Variants in LINGO1 observed in about 807,000 individuals in gnomAD.
The protein encoded by LINGO1 is leucine-rich repeat and immunoglobulin-like domain-containing nogo receptor-interacting protein 1.
LINGO1 carries 11 observed loss-of-function variants against 37.3 expected under a neutral mutation model. The observed-to-expected ratio is 0.29, with a 90% CI of 0.19 to 0.49. LINGO1 has a LOEUF of 0.49. LINGO1 is among the 20% of genes least tolerant of loss of function. LINGO1 has a pLI of 0.99. For synonymous variants in LINGO1, 387 were observed against 403.0 expected (o/e 0.96, Z 0.48); for missense variants, 585 against 878.2 (o/e 0.67, Z 4.22).
In LINGO1 at chr15:77,614,913, G is replaced by A. The variant is rs758132909; in HGVS notation, c.994C>T (p.Arg332Cys). Residue 332 changes from arginine (R) to cysteine (C), a missense_variant, in exon 2 of 2, where the codon CGC becomes TGC. Around this residue, in one of 4 missense-constraint regions of LINGO1, gnomAD observed 484 missense variants for 735.0 expected, o/e 0.66. Transcript: ENST00000355300. ...QLAVVEPYAF[R>C]GLNYLRVLNV... The stretch of plus-strand genomic sequence containing the variant: ...AGCACGCGCAGGTAGTTGAGGCCGC[G>A]GAAGGCATAGGGCTCCACCACGGCC... 9 of 1,613,720 alleles carry A rather than the reference G, an allele frequency of 5.6e-6. No individual in the cohort carries two copies. Among genetic ancestry groups the A allele is most frequent in the Middle Eastern group, 1.6e-4 (1 of 6,078 alleles).
intron 3 of LINGO1, chr15:77,652,154 T>A (rs1447261008): frequency 6.6e-6 from 1 of 152,202 alleles, no homozygotes; most frequent in African/African-American, 2.4e-5. Flanking sequence ...CCACCCACTT[T>A]GGGTAAATCT....
intron 1 of LINGO1, among the ~76,000 whole-genome samples, chr15:77,777,193 AATATT>A (rs1037615435): frequency 2.0e-5 from 3 of 152,192 alleles, no homozygotes; most frequent in African/African-American, 7.2e-5. Context: ...GTGAGGATCA[AATATT>A]TATGGTGCGG....
At chr15:77,652,804 G>A (rs2074790730) in intron 3 of LINGO1, among the ~76,000 whole-genome samples, 1 of 152,336 alleles carries the variant, frequency 6.6e-6, no homozygotes, top group Admixed American at 6.5e-5. Context: ...CCTACAGCCT[G>A]TCTGGTCTGT....
At chr15:77,671,289 G>A (rs1009457143) in intron 3 of LINGO1, among the ~76,000 whole-genome samples, 2 of 152,208 alleles carry the variant, frequency 1.3e-5, no homozygotes, top group Non-Finnish European at 2.9e-5. Flanking sequence ...GAGGGAAGAG[G>A]GGAGAAGAGG....
At chr15:77,786,353 C>A (rs2076770874) in intron 1 of LINGO1, among the ~76,000 whole-genome samples, 1 of 152,208 alleles carries the variant, frequency 6.6e-6, no homozygotes, top group African/African-American at 2.4e-5. Flanking sequence ...TCAGCTCCCA[C>A]TTGGTCAGGG....
intron 2 of LINGO1, among the ~76,000 whole-genome samples, chr15:77,681,493 A>G (rs2075412896): frequency 6.6e-6 from 1 of 152,178 alleles, no homozygotes. Context: ...TCTATGGTCT[A>G]ATTCACAGAG....
intron 1 of LINGO1, among the ~76,000 whole-genome samples, chr15:77,778,010 G>A (rs1043658931): frequency 2.0e-5 from 3 of 152,128 alleles, no homozygotes; most frequent in African/African-American, 7.2e-5. Flanking sequence ...AGGAAAGAAG[G>A]AAAGAAATGT....
At chr15:77,790,233 C>T (rs754319151), upstream of LINGO1, among the ~76,000 whole-genome samples, 3 of 152,220 alleles carry the variant, frequency 2.0e-5, no homozygotes, top group Non-Finnish European at 4.4e-5. Context: ...CATTGGGACA[C>T]TGGACACACC....
intron 2 of LINGO1, among the ~76,000 whole-genome samples, chr15:77,716,303 C>A (rs1158122961): frequency 8.8e-6 from 1 of 113,722 alleles, no homozygotes; most frequent in Non-Finnish European, 1.8e-5. Context: ...TTTTTTGAGA[C>A]AGGGTCTCAC....
intron 2 of LINGO1, among the ~76,000 whole-genome samples, chr15:77,704,872 G>C (rs2075830422): frequency 6.6e-6 from 1 of 152,056 alleles, no homozygotes; most frequent in African/African-American, 2.4e-5. Context: ...CCTGAACCCT[G>C]TCTCTGGCCC....
chr15:77,765,236 G>A (rs532011860), intron 1 of LINGO1, among the ~76,000 whole-genome samples: 3 of 152,154 alleles, frequency 2.0e-5, no homozygotes, highest in Middle Eastern at 3.4e-3. Context: ...CCAACATGGT[G>A]AAACCCCGTC....
chr15:77,810,368 A>C (rs2076996217), intron 1 of LINGO1, among the ~76,000 whole-genome samples: 1 of 152,052 alleles, frequency 6.6e-6, no homozygotes, highest in African/African-American at 2.4e-5. Flanking sequence ...ACACAGAGGA[A>C]TCTAGGGAGG....
intron 2 of LINGO1, among the ~76,000 whole-genome samples, chr15:77,713,495 G>T (rs971302057): frequency 1.3e-5 from 2 of 151,928 alleles, no homozygotes; most frequent in African/African-American, 4.8e-5. Context: ...AGCCAAGCGG[G>T]AGGCGTGGGA....
chr15:77,787,162 G>A (rs2076779747), upstream of LINGO1: 1 of 152,294 alleles, frequency 6.6e-6, no homozygotes, highest in African/African-American at 2.4e-5. Context: ...ACCCCTGTGA[G>A]AGCACAGCAT....
At chr15:77,660,596 C>G (rs2074969226) in intron 3 of LINGO1, among the ~76,000 whole-genome samples, 1 of 152,222 alleles carries the variant, frequency 6.6e-6, no homozygotes, top group South Asian at 2.1e-4. Flanking sequence ...GCCTCTTGCT[C>G]CCTCAGTTTC....
chr15:77,755,252 T>C (rs2076408481), intron 1 of LINGO1, among the ~76,000 whole-genome samples: 1 of 152,176 alleles, frequency 6.6e-6, no homozygotes. Context: ...ACCCCAGGGA[T>C]CTGATGGGGA....
rs2074282681 is a variant in LINGO1 at position 77,632,369 on chromosome 15, G to A, written c.-54C>T. On this transcript the variant is annotated 5_prime_UTR_variant, in exon 1 of 2. Transcript: ENST00000355300. This position sits in a 1 kb window ranked among gnomAD's most constrained non-coding sequence, Gnocchi z 6.0. Reference sequence around the variant, plus strand: ...CGGTCACCAATCGCATGTCTCTCCAGCCGGCCCGACCAGGCCCCAGCCCCT... The same window carrying A: ...CGGTCACCAATCGCATGTCTCTCCAACCGGCCCGACCAGGCCCCAGCCCCT... 1.5e-6 allele frequency: 2 copies of A among 1,378,166 alleles called. 1 individual carries two copies. The highest frequency in any genetic ancestry group is 3.3e-5 in the South Asian group (2 of 61,422). 85.4% of individuals were successfully genotyped at this position (1,378,166 alleles called of 1,614,324 possible). A position where few individuals can be genotyped will look rare whatever the true frequency, so the allele number is the denominator to read the frequency against.
intron 2 of LINGO1, among the ~76,000 whole-genome samples, chr15:77,701,663 C>A (rs1306415228): frequency 6.6e-6 from 1 of 152,068 alleles, no homozygotes. Context: ...TCTATTAGTT[C>A]CCATGAGAAC....
At chr15:77,666,768 A>C (rs928714135) in intron 3 of LINGO1, among the ~76,000 whole-genome samples, 1 of 152,250 alleles carries the variant, frequency 6.6e-6, no homozygotes, top group Non-Finnish European at 1.5e-5. Context: ...TGCTTTTAAC[A>C]GTGCCTGGCA....
Sources: gnomAD v4.1 joint callset for allele counts (sites outside exome capture counted in the v4.1 genomes callset) on GRCh38, gnomAD v4.1.1 for gene constraint, gnomAD v4.1.1 regional missense constraint, Gnocchi (gnomAD v3.1) non-coding constraint, MANE v1.5 for transcripts, NCBI Gene and HGNC (gene_info 2026-07-23, HGNC 2026-07-21) for gene names.